The following P2RY14 variants were observed in gnomAD, a reference collection of about 807,000 sequenced individuals.
P2RY14 encodes the protein purinergic receptor P2Y14.
P2RY14 carries 2 observed loss-of-function variants against 0.9 expected under a neutral mutation model. The observed-to-expected ratio is 2.16, with a 90% CI of 0.88 to 6.79. The LOEUF is 6.79. Among genes scored for constraint, P2RY14 ranks in the 30% most tolerant of loss-of-function variants. The pLI is 0.05. For missense variants in P2RY14, 378 were observed against 400.1 expected, an observed-to-expected ratio of 0.94 and a Z score of 0.47; for synonymous variants, 158 against 147.2, an observed-to-expected ratio of 1.07 and a Z score of -0.53.
intron 1 of P2RY14, among the ~76,000 whole-genome samples, chr3:151,258,469 A>T (rs560035541): frequency 6.6e-6 from 1 of 152,320 alleles, no homozygotes; most frequent in South Asian, 2.1e-4. Flanking sequence ...CCCTGGGTTA[A>T]ATTCCAGGGT....
At chr3:151,223,904 A>G (rs1337947763) in intron 1 of P2RY14, among the ~76,000 whole-genome samples, 1 of 152,204 alleles carries the variant, frequency 6.6e-6, no homozygotes, top group Non-Finnish European at 1.5e-5. Context: ...CAGCCTCCTT[A>G]CACCCAACCA....
chr3:151,245,478 T>A (rs1262791803), intron 1 of P2RY14, among the ~76,000 whole-genome samples: 11 of 139,072 alleles, frequency 7.9e-5, no homozygotes, highest in Non-Finnish European at 1.1e-4. Context: ...CACAAATCAA[T>A]AAATGTAATC....
In P2RY14 at chr3:151,225,632, C is replaced by A. The variant is rs543818828; in HGVS notation, c.-132-5990G>T. On this transcript the variant is annotated intron_variant, in intron 1 of 2. Coordinates refer to ENST00000309170, the MANE Select transcript of P2RY14 (RefSeq NM_014879.4). Reference sequence around the variant, plus strand: ...GTAGCAGCTTTCTGTCAGATCCTATCGGTAGCTGTCTCATCCGTGTTCTGC... The same window carrying A: ...GTAGCAGCTTTCTGTCAGATCCTATAGGTAGCTGTCTCATCCGTGTTCTGC... 2.0e-5 allele frequency among the ~76,000 whole-genome samples: 3 copies of A among 152,304 alleles called. No homozygotes were observed. The East Asian group carries it at 5.8e-4, about 29-fold the overall frequency.
At position 151,218,866 on chromosome 3, in the gene P2RY14, C is replaced by CAAA. The variant is rs397686351; in HGVS notation, c.-25+666_-25+668dup. On this transcript the variant is annotated intron_variant, in intron 2 of 2. Coordinates refer to ENST00000309170, the MANE Select transcript of P2RY14 (RefSeq NM_014879.4). ...TGGGTGACAGAGCAAGACTCAGTCT[C>CAAA]AAAAAAAAAAAAAAAAAAAAAAAAA... Among the ~76,000 whole-genome samples, 332 of 71,354 alleles carry CAAA rather than the reference C, an allele frequency of 4.7e-3. 2 individuals carry two copies. Among genetic ancestry groups the CAAA allele is most frequent in the East Asian group, 0.011 (25 of 2,368 alleles). The allele number at this position is 71,354 out of a possible 152,430, so 46.8% of individuals were successfully genotyped here.
At chr3:151,253,827 A>G (rs1737291559) in intron 1 of P2RY14, among the ~76,000 whole-genome samples, 1 of 152,050 alleles carries the variant, frequency 6.6e-6, no homozygotes, top group African/African-American at 2.4e-5. Flanking sequence ...TTTTGCTGAG[A>G]GCAATCCATG....
At chr3:151,229,200 C>G (rs1731117622) in intron 1 of P2RY14, among the ~76,000 whole-genome samples, 1 of 152,086 alleles carries the variant, frequency 6.6e-6, no homozygotes. Flanking sequence ...CTCTCTAACC[C>G]AAAGTGTTGT....
rs139535921 is a variant in P2RY14, at chr3:151,235,692, C to CAAATAAAT, written c.-132-16058_-132-16051dup. ...CTGGTAACAGAGCTAGACTCCATCT[C>CAAATAAAT]AAATAAATAAATAAATAAATAAATA... On this transcript the variant is annotated intron_variant, in intron 1 of 2. Coordinates refer to ENST00000309170, the MANE Select transcript of P2RY14 (RefSeq NM_014879.4). Among the ~76,000 whole-genome samples the CAAATAAAT allele has an allele frequency of 5.2e-3, 780 of 149,074 alleles. 4 individuals are homozygous for CAAATAAAT. The highest frequency in any genetic ancestry group is 0.019 in the African/African-American group (747 of 40,256).
At chr3:151,265,053 A>T (rs111860077) in intron 1 of P2RY14, among the ~76,000 whole-genome samples, 7 of 151,628 alleles carry the variant, frequency 4.6e-5, no homozygotes, top group Admixed American at 1.3e-4. Flanking sequence ...CTCTCACCCT[A>T]TTTTCCAGAA....
intron 1 of P2RY14, among the ~76,000 whole-genome samples, chr3:151,265,135 C>T (rs1019794802): frequency 3.3e-5 from 5 of 152,156 alleles, no homozygotes; most frequent in South Asian, 2.1e-4. Flanking sequence ...TGCTGTGTGT[C>T]GCCAGCACCT....
intron 1 of P2RY14, among the ~76,000 whole-genome samples, chr3:151,219,900 C>T (rs1015523947): frequency 1.4e-5 from 2 of 140,274 alleles, no homozygotes; most frequent in Admixed American, 7.1e-5. Context: ...TACCCCCCCC[C>T]CCCCCTTGGA....
intron 1 of P2RY14, among the ~76,000 whole-genome samples, chr3:151,244,692 A>C (rs1734974495): frequency 2.6e-5 from 4 of 151,284 alleles, no homozygotes; most frequent in Admixed American, 1.3e-4. Context: ...ACACCCTAAC[A>C]TCACAATTAA....
At chr3:151,234,895 T>G (rs575933366) in intron 1 of P2RY14, among the ~76,000 whole-genome samples, 4 of 152,300 alleles carry the variant, frequency 2.6e-5, no homozygotes, top group African/African-American at 9.6e-5. Context: ...TGTGACTCTT[T>G]TACCTATAAT....
intron 2 of P2RY14, among the ~76,000 whole-genome samples, chr3:151,215,995 T>C (rs538514800): frequency 2.0e-4 from 30 of 152,308 alleles, no homozygotes; most frequent in African/African-American, 2.6e-4. Flanking sequence ...TCACTTTCCT[T>C]AGGAAACCTC....
At chr3:151,244,874 A>G (rs1381912444) in intron 1 of P2RY14, among the ~76,000 whole-genome samples, 1 of 152,160 alleles carries the variant, frequency 6.6e-6, no homozygotes, top group Non-Finnish European at 1.5e-5. Flanking sequence ...ACCGCTAGCA[A>G]GACTAATAAA....
At chr3:151,216,048 T>C (rs2149239195) in intron 2 of P2RY14, among the ~76,000 whole-genome samples, 2 of 152,338 alleles carry the variant, frequency 1.3e-5, no homozygotes, top group Middle Eastern at 3.4e-3. Flanking sequence ...TGTGTGCTTA[T>C]CATCCTGTGT....
chr3:151,225,753 A>G (rs75440324), intron 1 of P2RY14, among the ~76,000 whole-genome samples: 6,297 of 152,070 alleles, frequency 0.041, 183 homozygotes, highest in Non-Finnish European at 0.062. Context: ...CCCACCCCCT[A>G]TCTTTTTTCA....
intron 2 of P2RY14, among the ~76,000 whole-genome samples, chr3:151,219,201 A>G (rs1430810931): frequency 1.3e-5 from 2 of 152,156 alleles, no homozygotes; most frequent in African/African-American, 4.8e-5. Flanking sequence ...ATATCTTAGG[A>G]TTGTGCTGCA....
chr3:151,217,652 C>T (rs1454170068), intron 2 of P2RY14, among the ~76,000 whole-genome samples: 1 of 152,190 alleles, frequency 6.6e-6, no homozygotes, highest in Non-Finnish European at 1.5e-5. Context: ...CCCTGTGCCA[C>T]TGTCTGGTTT....
chr3:151,257,138 T>C (rs1420965488), intron 1 of P2RY14, among the ~76,000 whole-genome samples: 2 of 152,222 alleles, frequency 1.3e-5, no homozygotes, highest in Non-Finnish European at 1.5e-5. Context: ...TGTTAAGTTT[T>C]CTAGAACCAT....
Sources: allele counts gnomAD v4.1 joint callset (sites outside exome capture counted in the v4.1 genomes callset), GRCh38; gene constraint gnomAD v4.1.1; transcripts MANE v1.5; gene names NCBI Gene and HGNC (gene_info 2026-07-23, HGNC 2026-07-21).